THSD7A: variants seen among roughly 807,000 people sequenced by gnomAD.
The protein encoded by THSD7A is thrombospondin type-1 domain-containing protein 7A.
In THSD7A, 96 loss-of-function variants were observed where a neutral mutation model predicts 231.3. The observed-to-expected ratio is 0.41, with a 90% CI of 0.35 to 0.49. The LOEUF (loss-of-function observed/expected upper bound fraction) is 0.49. Ranked by LOEUF, THSD7A falls within the 20% of genes least tolerant of loss-of-function variation. The probability of loss-of-function intolerance (pLI) is 0.05; values close to 1 mark genes in which losing one functional copy is unlikely to be tolerated. For synonymous variants in THSD7A, 940 were observed against 743.3 expected (o/e 1.26, Z -4.30); for missense variants, 2,290 against 2,070.2 (o/e 1.11, Z -2.06).
At chr7:11,496,841 C>T (rs1295835278) in intron 6 of THSD7A, among the ~76,000 whole-genome samples, 1 of 152,102 alleles carries the variant, frequency 6.6e-6, no homozygotes, top group African/African-American at 2.4e-5. Context: ...AAGGGTAGAA[C>T]CAAAGTCAAC....
At chr7:11,381,249 G>A (rs1192072751) in intron 24 of THSD7A, among the ~76,000 whole-genome samples, 4 of 152,078 alleles carry the variant, frequency 2.6e-5, no homozygotes, top group Non-Finnish European at 4.4e-5. Flanking sequence ...TACAGTGAGA[G>A]AGCAAAGGGT....
At chr7:11,481,350 C>G (rs1237138474) in intron 7 of THSD7A, among the ~76,000 whole-genome samples, 1 of 152,030 alleles carries the variant, frequency 6.6e-6, no homozygotes, top group Admixed American at 6.6e-5. Flanking sequence ...AGTAGCTATT[C>G]TTGTGATTTT....
At chr7:11,447,656 A>G (rs778162943) in intron 11 of THSD7A, among the ~76,000 whole-genome samples, 3 of 152,154 alleles carry the variant, frequency 2.0e-5, no homozygotes, top group Non-Finnish European at 4.4e-5. Context: ...AAGTGGACAC[A>G]TATGCATACT....
At chr7:11,785,001 T>G (rs1041863137) in intron 1 of THSD7A, among the ~76,000 whole-genome samples, 2 of 152,112 alleles carry the variant, frequency 1.3e-5, no homozygotes, top group African/African-American at 2.4e-5. Context: ...CTACTCATCA[T>G]TACACAAGGG....
intron 4 of THSD7A, among the ~76,000 whole-genome samples, chr7:11,563,958 T>G (rs1166403276): frequency 6.6e-6 from 1 of 152,188 alleles, no homozygotes; most frequent in East Asian, 1.9e-4. Context: ...TTTCTTACAC[T>G]AGACTATTTC....
chr7:11,547,621 T>A (rs1351192800), intron 4 of THSD7A, among the ~76,000 whole-genome samples: 2 of 151,774 alleles, frequency 1.3e-5, no homozygotes, highest in Admixed American at 6.6e-5. Context: ...CTTAACAAAT[T>A]CAAAAAAATA....
chr7:11,809,566 A>G (rs1305380462), intron 1 of THSD7A, among the ~76,000 whole-genome samples: 1 of 152,174 alleles, frequency 6.6e-6, no homozygotes, highest in Non-Finnish European at 1.5e-5. Context: ...AGGCTTTGGA[A>G]TGTATGAAAT....
intron 1 of THSD7A, among the ~76,000 whole-genome samples, chr7:11,806,540 G>T (rs529081857): frequency 1.5e-3 from 230 of 152,124 alleles, no homozygotes; most frequent in Non-Finnish European, 2.9e-3. Flanking sequence ...GAGTATTTCA[G>T]GCAATGCTGC....
At chr7:11,448,551 T>G (rs1425443213) in intron 11 of THSD7A, among the ~76,000 whole-genome samples, 1 of 152,050 alleles carries the variant, frequency 6.6e-6, no homozygotes, top group East Asian at 1.9e-4. Flanking sequence ...GAAATCGAGG[T>G]GAAGGAGCCT....
intron 1 of THSD7A, among the ~76,000 whole-genome samples, chr7:11,745,662 T>C (rs1202112457): frequency 3.3e-5 from 5 of 152,122 alleles, no homozygotes; most frequent in Non-Finnish European, 7.4e-5. Context: ...TTTCTACATA[T>C]GGCCAGCCAG....
chr7:11,393,115 G>A (rs1334064503), intron 23 of THSD7A, among the ~76,000 whole-genome samples: 3 of 152,088 alleles, frequency 2.0e-5, no homozygotes, highest in African/African-American at 7.2e-5. Flanking sequence ...AGCAGGGGTT[G>A]ACAGATGCCT....
intron 1 of THSD7A, among the ~76,000 whole-genome samples, chr7:11,775,343 TTG>T (rs1212277285): frequency 6.6e-6 from 1 of 152,198 alleles, no homozygotes; most frequent in Non-Finnish European, 1.5e-5. Flanking sequence ...AATTCCATCT[TTG>T]GGTATAAACC....
chr7:11,516,835 T>A (rs185590863), intron 6 of THSD7A, among the ~76,000 whole-genome samples: 54 of 152,302 alleles, frequency 3.5e-4, no homozygotes, highest in African/African-American at 1.3e-3. Context: ...ATGGCACCAA[T>A]TGTCATGTAA....
rs369654908 is a variant in THSD7A, at chr7:11,614,384, T to A, written c.1023-20882A>T. The stretch of plus-strand genomic sequence containing the variant: ...ATCAAATGGCAACAAAAAGGGGAGA[T>A]TTACTTATTTGGATGTGGTGATTAC... On this transcript the variant is annotated intron_variant, in intron 2 of 27. Coordinates refer to ENST00000423059, the MANE Select transcript of THSD7A (RefSeq NM_015204.3). Among the ~76,000 whole-genome samples, 19 of 152,256 alleles carry A rather than the reference T, an allele frequency of 1.2e-4. No homozygotes were observed. The East Asian group carries it at 2.9e-3, about 23-fold the overall frequency.
chr7:11,755,608 G>A (rs1782648396), intron 1 of THSD7A, among the ~76,000 whole-genome samples: 1 of 152,068 alleles, frequency 6.6e-6, no homozygotes, highest in African/African-American at 2.4e-5. Flanking sequence ...GGTCGAGGAA[G>A]TCTCTGTCAA....
At chr7:11,645,646 T>C (rs1201579121) in intron 1 of THSD7A, among the ~76,000 whole-genome samples, 1 of 151,774 alleles carries the variant, frequency 6.6e-6, no homozygotes, top group African/African-American at 2.4e-5. Context: ...CCTCAAAACA[T>C]GTCAATAAGA....
chr7:11,498,563 C>A (rs375144750), intron 6 of THSD7A, among the ~76,000 whole-genome samples: 1 of 152,160 alleles, frequency 6.6e-6, no homozygotes, highest in South Asian at 2.1e-4. Flanking sequence ...CTTTGGCTAT[C>A]TGAAGTGACC....
intron 1 of THSD7A, among the ~76,000 whole-genome samples, chr7:11,766,951 G>T (rs1352837367): frequency 1.3e-5 from 2 of 152,184 alleles, no homozygotes; most frequent in Admixed American, 6.6e-5. Flanking sequence ...TGGTAATGAT[G>T]ATGTGGCAGA....
At chr7:11,633,647 A>G (rs988689134) in intron 2 of THSD7A, among the ~76,000 whole-genome samples, 19 of 152,146 alleles carry the variant, frequency 1.2e-4, no homozygotes, top group African/African-American at 4.3e-4. Context: ...TTCTGTATCA[A>G]CTGTGGTTTG....
Sources: gnomAD v4.1 joint callset for allele counts (sites outside exome capture counted in the v4.1 genomes callset) on GRCh38, gnomAD v4.1.1 for gene constraint, MANE v1.5 for transcripts, NCBI Gene and HGNC (gene_info 2026-07-23, HGNC 2026-07-21) for gene names.